The following ORC5 variants were observed in gnomAD, a reference collection of about 807,000 sequenced individuals.
ORC5 encodes the protein protein phosphatase 1, regulatory subunit 117.
A neutral mutation model predicts 58.8 loss-of-function variants in ORC5; 39 were observed. The ratio of observed to expected loss-of-function variants is 0.66; its 90% CI spans 0.51 to 0.87. ORC5 has a LOEUF of 0.87. Among genes scored for constraint, ORC5 ranks in the 40% least tolerant of loss-of-function variants. The pLI is 0.00. For synonymous variants in ORC5, 218 were observed against 177.6 expected (o/e 1.23, Z -1.81); for missense variants, 493 against 506.3 (o/e 0.97, Z 0.25).
chr7:104,148,332 A>T (rs1167905331), intron 12 of ORC5, among the ~76,000 whole-genome samples: 1 of 152,184 alleles, frequency 6.6e-6, no homozygotes, highest in Non-Finnish European at 1.5e-5. Context: ...ACAAAGAGAT[A>T]ATTTTGTTGG....
At chr7:104,147,080 T>C (rs1798764843) in intron 12 of ORC5, among the ~76,000 whole-genome samples, 1 of 152,164 alleles carries the variant, frequency 6.6e-6, no homozygotes, top group Admixed American at 6.5e-5. Flanking sequence ...AAATGTTATC[T>C]CAAAATGTTT....
At chr7:104,207,064 T>C (rs1308217311) in intron 1 of ORC5, among the ~76,000 whole-genome samples, 1 of 152,190 alleles carries the variant, frequency 6.6e-6, no homozygotes, top group East Asian at 1.9e-4. Flanking sequence ...AACCAGAAGA[T>C]GGGGGTATGA....
At chr7:104,171,901 T>C (rs1396871839) in intron 8 of ORC5, among the ~76,000 whole-genome samples, 1 of 152,150 alleles carries the variant, frequency 6.6e-6, no homozygotes, top group South Asian at 2.1e-4. Context: ...GATTCTCCAG[T>C]AGCCAGTGCT....
chr7:104,176,953 G>T (rs1044752418), intron 8 of ORC5, among the ~76,000 whole-genome samples: 8 of 152,146 alleles, frequency 5.3e-5, no homozygotes, highest in Admixed American at 1.3e-4. Context: ...CTTTGTTTGT[G>T]TAACTCTTTG....
At chr7:104,165,546 C>T (rs17159699) in intron 10 of ORC5, 5,045 of 305,674 alleles carry the variant, frequency 0.017, 209 homozygotes, top group African/African-American at 0.1. Context: ...CCTAAAAGAG[C>T]TTATTATATT....
At chr7:104,189,531 G>A (rs1233280714) in intron 5 of ORC5, among the ~76,000 whole-genome samples, 1 of 152,040 alleles carries the variant, frequency 6.6e-6, no homozygotes, top group African/African-American at 2.4e-5. Flanking sequence ...CTTGGGAAAA[G>A]GAGAAGGGCT....
At chr7:104,189,075 G>C (rs1799614736) in intron 5 of ORC5, among the ~76,000 whole-genome samples, 2 of 152,030 alleles carry the variant, frequency 1.3e-5, no homozygotes, top group South Asian at 4.2e-4. Context: ...TGTGAGAATG[G>C]ACTAATACAG....
In ORC5 at chr7:104,174,673, T is replaced by C. The variant is rs1032759352; in HGVS notation, c.825-6148A>G. ...GCACCATGCAACGGCAGTCTCCCAA[T>C]AGATAGAAACGCCTGAAACTGGTGA... On this transcript the variant is annotated intron_variant, in intron 8 of 13. Transcript: ENST00000297431. Among the ~76,000 whole-genome samples, 7 of 152,110 alleles carry C rather than the reference T, an allele frequency of 4.6e-5. No homozygotes were observed. In the East Asian group the frequency reaches 9.6e-4, roughly 21 times the overall value.
chr7:104,163,938 T>C (rs993100192), intron 11 of ORC5, among the ~76,000 whole-genome samples: 2 of 152,210 alleles, frequency 1.3e-5, no homozygotes, highest in Admixed American at 6.5e-5. Flanking sequence ...AATCATAGAA[T>C]TTTTTAGTTT....
chr7:104,154,677 A>C (rs892360159), intron 12 of ORC5, among the ~76,000 whole-genome samples: 2 of 151,928 alleles, frequency 1.3e-5, no homozygotes, highest in African/African-American at 4.8e-5. Flanking sequence ...AGAAAGATAA[A>C]TTTAATTCCA....
intron 13 of ORC5, among the ~76,000 whole-genome samples, chr7:104,127,649 T>C (rs984738660): frequency 1.3e-5 from 2 of 152,206 alleles, no homozygotes; most frequent in Non-Finnish European, 2.9e-5. Flanking sequence ...AAAATAATCA[T>C]CCATGTGAGA....
chr7:104,187,119 G>C (rs1014096940), intron 6 of ORC5, among the ~76,000 whole-genome samples: 1 of 152,116 alleles, frequency 6.6e-6, no homozygotes, highest in Non-Finnish European at 1.5e-5. Flanking sequence ...AGGAAAGACC[G>C]AGGAGGATTA....
intron 1 of ORC5, among the ~76,000 whole-genome samples, chr7:104,204,580 T>G (rs887808327): frequency 7.1e-5 from 10 of 140,938 alleles, no homozygotes; most frequent in African/African-American, 2.5e-4. Flanking sequence ...ACTCCATTTT[T>G]ATATTACTCC....
At chr7:104,159,055 T>C (rs1485169246) in intron 12 of ORC5, among the ~76,000 whole-genome samples, 2 of 148,104 alleles carry the variant, frequency 1.4e-5, no homozygotes, top group Non-Finnish European at 3.0e-5. Context: ...CTATTCACAA[T>C]AGCAAAGACT....
chr7:104,166,501 T>A (rs1304414809), intron 10 of ORC5, among the ~76,000 whole-genome samples: 1 of 152,204 alleles, frequency 6.6e-6, no homozygotes, highest in Non-Finnish European at 1.5e-5. Flanking sequence ...ATTATTTCCA[T>A]CCTCCACACT....
At chr7:104,174,106 A>G (rs1377355559) in intron 8 of ORC5, among the ~76,000 whole-genome samples, 5 of 151,886 alleles carry the variant, frequency 3.3e-5, no homozygotes, top group Non-Finnish European at 7.4e-5. Flanking sequence ...GGCCTCCCAA[A>G]GTGCTGGGAT....
At chr7:104,203,403 A>C (rs12705195) in intron 2 of ORC5, among the ~76,000 whole-genome samples, 61,706 of 152,086 alleles carry the variant, frequency 0.41, 13,664 homozygotes, top group Non-Finnish European at 0.51. Context: ...ACAAAATGTT[A>C]GTTATCCGGC....
chr7:104,197,085 C>T (rs973752604), intron 4 of ORC5, among the ~76,000 whole-genome samples: 2 of 152,192 alleles, frequency 1.3e-5, no homozygotes, highest in Admixed American at 6.5e-5. Context: ...AGTAACCCTT[C>T]GCTTAATATT....
chr7:104,200,231 C>G (rs903832867), intron 3 of ORC5, among the ~76,000 whole-genome samples: 1 of 152,176 alleles, frequency 6.6e-6, no homozygotes, highest in Non-Finnish European at 1.5e-5. Context: ...TATCTCCTAT[C>G]CACTCCCTAA....
Sources: allele counts gnomAD v4.1 joint callset (sites outside exome capture counted in the v4.1 genomes callset), GRCh38; gene constraint gnomAD v4.1.1; transcripts MANE v1.5; gene names NCBI Gene and HGNC (gene_info 2026-07-23, HGNC 2026-07-21).